SMIM29: variants seen among roughly 807,000 people sequenced by gnomAD.
SMIM29 encodes the protein uncharacterized protein C6orf1.
In SMIM29, 4 loss-of-function variants were observed where a neutral mutation model predicts 12.9. That is an observed-to-expected ratio of 0.31 (90% CI 0.15 to 0.71). The LOEUF (loss-of-function observed/expected upper bound fraction) is 0.71. Among genes scored for constraint, SMIM29 ranks in the 30% least tolerant of loss-of-function variants. The probability of loss-of-function intolerance (pLI) is 0.70; values close to 1 mark genes in which losing one functional copy is unlikely to be tolerated. For missense variants in SMIM29, 122 were observed against 138.1 expected (o/e 0.88, Z 0.58); for synonymous variants, 50 against 52.0 (o/e 0.96, Z 0.17).
intron 1 of SMIM29, chr6:34,248,422 T>A (rs753352451): frequency 1.0e-6 from 1 of 985,402 alleles, no homozygotes; most frequent in Non-Finnish European, 1.2e-6. Flanking sequence ...CTCTCCCCCA[T>A]CTGTCTCGTG....
In SMIM29 at chr6:34,246,770, C is replaced by T. The variant is rs541717583; in HGVS notation, c.*33G>A. 1 of 1,613,468 alleles carries T rather than the reference C, an allele frequency of 6.2e-7. No individual in the cohort carries two copies. Among genetic ancestry groups the T allele is most frequent in the Non-Finnish European group, 8.5e-7 (1 of 1,180,012 alleles). Reference sequence around the variant, plus strand: ...GCAGGGCCCCAGGCAGTCCAGGACCCCAGGCTCTGAAGGGTGGGGCAAGGG... The same window carrying T: ...GCAGGGCCCCAGGCAGTCCAGGACCTCAGGCTCTGAAGGGTGGGGCAAGGG... On this transcript the variant is annotated 3_prime_UTR_variant, in exon 5 of 5. Coordinates refer to ENST00000476320, the MANE Select transcript of SMIM29 (RefSeq NM_001008703.4).
chr6:34,247,183 TCCC>T (rs750510362), intron 3 of SMIM29, 34 bp from the exon 4 acceptor site: 1 of 1,607,902 alleles, frequency 6.2e-7, no homozygotes, highest in Non-Finnish European at 8.5e-7. Flanking sequence ...AGCTAGGAGG[TCCC>T]CCCAACCCTC....
intron 1 of SMIM29, chr6:34,248,520 G>T: frequency 2.0e-6 from 2 of 985,202 alleles, no homozygotes; most frequent in Non-Finnish European, 2.4e-6. Context: ...GCTCCGCCCA[G>T]GTCCCTCCCC....
At position 34,246,837 on chromosome 6, in the gene SMIM29, TGCTGGTAGCC is replaced by T; in HGVS notation, c.265_274del (p.Gly89ThrfsTer108). The stretch of plus-strand genomic sequence containing the variant: ...GACATCCAGCAGTGGCATCCGCTTG[TGCTGGTAGCC>T]ACTCTGCCAGCCATGTACCACCTGT... On this transcript the variant is annotated frameshift_variant, in exon 5 of 5. Transcript: ENST00000476320. LOFTEE classifies it high-confidence loss of function. 6.2e-7 allele frequency: 1 copy of T among 1,611,402 alleles called. No individual in the cohort carries two copies. The highest frequency in any genetic ancestry group is 8.5e-7 in the Non-Finnish European group (1 of 1,179,060).
intron 1 of SMIM29, chr6:34,248,375 G>C: frequency 1.0e-6 from 1 of 985,444 alleles, no homozygotes; most frequent in Non-Finnish European, 1.2e-6. Context: ...CTATGCCCTT[G>C]TCCCTGGTGT....
chr6:34,248,182 G>C, intron 1 of SMIM29: 4 of 985,430 alleles, frequency 4.1e-6, no homozygotes, highest in Non-Finnish European at 4.8e-6. Context: ...GCAGGTTTCA[G>C]GTGCCTGCCC....
chr6:34,246,612 A>G lies in SMIM29; in HGVS notation c.*191T>C, dbSNP rs749048012. On this transcript the variant is annotated 3_prime_UTR_variant, in exon 5 of 5. Transcript: ENST00000476320. Reference sequence around the variant, plus strand: ...TGGGCGGTGAGCTCAACACCCACAAAGGGCAGAAGGCCTGGGGGCAGTGAG... The same window carrying G: ...TGGGCGGTGAGCTCAACACCCACAAGGGGCAGAAGGCCTGGGGGCAGTGAG... The G allele has an allele frequency of 2.1e-5, 34 of 1,613,362 alleles. No homozygotes were observed. The South Asian group carries it at 3.2e-4, about 15-fold the overall frequency.
intron 3 of SMIM29, 21 bp downstream of exon 3, chr6:34,247,446 G>A (rs1220686094): frequency 6.4e-7 from 1 of 1,570,720 alleles, no homozygotes. Flanking sequence ...GTTAGGGCGG[G>A]TGGGGGACAG....
At chr6:34,246,917 GTC>G in intron 4 of SMIM29, 49 bp from the exon 5 acceptor site, 1 of 1,597,542 alleles carries the variant, frequency 6.3e-7, no homozygotes. Flanking sequence ...TTCCCTGGGA[GTC>G]TGCAGCACCC....
Position 34,246,698 on chromosome 6 carries a change from C to G in SMIM29, c.*105G>C, listed in dbSNP as rs749904125. The G allele has an allele frequency of 1.9e-6, 3 of 1,613,750 alleles. No homozygotes were observed. The highest frequency in any genetic ancestry group is 2.5e-6 in the Non-Finnish European group (3 of 1,179,872). ...GGGTGGGTGGAGGGAGAAATGGAGA[C>G]CCAGCACCCAGCAGGGGGAGCCAGG... On this transcript the variant is annotated 3_prime_UTR_variant, in exon 5 of 5. Coordinates refer to ENST00000476320, the MANE Select transcript of SMIM29 (RefSeq NM_001008703.4).
chr6:34,248,741 A>C, intron 1 of SMIM29: 12 of 985,506 alleles, frequency 1.2e-5, no homozygotes, highest in Non-Finnish European at 1.4e-5. Context: ...TCGTATGCTC[A>C]TCGTCCCAGG....
chr6:34,248,759 G>A (rs1315397081), intron 1 of SMIM29: 39 of 985,548 alleles, frequency 4.0e-5, no homozygotes, highest in Non-Finnish European at 4.6e-5. Context: ...AGGTCAAGGG[G>A]GCATGCCAGG....
Position 34,246,858 on chromosome 6 carries a change from C to T in SMIM29, c.254G>A (p.Gly85Asp), listed in dbSNP as rs367811394. ...CTTGTGCTGGTAGCCACTCTGCCAGCCATGTACCACCTGTCGGGGAGGAGA... is the reference window on the plus strand; with the variant it reads ...CTTGTGCTGGTAGCCACTCTGCCAGTCATGTACCACCTGTCGGGGAGGAGA... ...SDMGDPKVVH[G>D]WQSGYQHKRM... The change falls in exon 5 of 5, where the codon GGC becomes GAC. Residue 85 changes from glycine (G) to aspartate (D), a missense_variant. Coordinates refer to ENST00000476320, the MANE Select transcript of SMIM29 (RefSeq NM_001008703.4). 79 of 1,607,948 alleles carry T rather than the reference C, an allele frequency of 4.9e-5. No individual in the cohort carries two copies. The highest frequency in any genetic ancestry group is 6.3e-5 in the Non-Finnish European group (74 of 1,176,444).
rs528175150 is a variant in SMIM29, at chr6:34,247,698, C to A, written c.94G>T (p.Gly32Trp). 9.3e-6 allele frequency: 13 copies of A among 1,399,968 alleles called. No homozygotes were observed. In the South Asian group the frequency reaches 2.1e-4, roughly 22 times the overall value. The allele number at this position is 1,399,968 out of a possible 1,614,324, so 86.7% of individuals were successfully genotyped here. A position where few individuals can be genotyped will look rare whatever the true frequency, so the allele number is the denominator to read the frequency against. Reference sequence around the variant, plus strand: ...CTCCTTACCACAGCCACCACCACCCCGACCAGGGTGATGAGGAAGAAGGGC... The same window carrying A: ...CTCCTTACCACAGCCACCACCACCCAGACCAGGGTGATGAGGAAGAAGGGC... ...LGPFFLITLV[G>W]VVVAVVMYVQ... is the part of the protein sequence containing the mutation. Residue 32 changes from glycine (G) to tryptophan (W), a missense_variant, in exon 2 of 5, where the codon GGG becomes TGG. Physicochemically the swap from Gly to Trp is radical, Grantham distance 184. Coordinates refer to ENST00000476320, the MANE Select transcript of SMIM29 (RefSeq NM_001008703.4).
At chr6:34,247,427 G>A in intron 3 of SMIM29, 40 bp downstream of exon 3, 7 of 1,562,294 alleles carry the variant, frequency 4.5e-6, no homozygotes, top group South Asian at 2.4e-5. Flanking sequence ...ATTTCAGAAC[G>A]GGTGTGGGGT....
chr6:34,247,636 C>T, intron 2 of SMIM29, 45 bp downstream of exon 2: 1 of 1,439,252 alleles, frequency 6.9e-7, no homozygotes, highest in Admixed American at 2.9e-5. Context: ...CAGCCCCTGC[C>T]TTAGCAAAGC....
In SMIM29 at chr6:34,247,503, G is replaced by A. The variant is rs1561884414; in HGVS notation, c.112-11C>T. 6.4e-7 allele frequency: 1 copy of A among 1,573,420 alleles called. No individual in the cohort carries two copies. The highest frequency in any genetic ancestry group is 2.3e-5 in the East Asian group (1 of 43,350). On this transcript the variant is annotated splice_polypyrimidine_tract_variant and intron_variant, in intron 2 of 4. Coordinates refer to ENST00000476320, the MANE Select transcript of SMIM29 (RefSeq NM_001008703.4). ...CTGTACATACATTACCTGCAACAGA[G>A]ACACAGCACTGTGGGGGCTGCTGAG...
intron 1 of SMIM29, chr6:34,248,757 G>T: frequency 1.0e-6 from 1 of 985,646 alleles, no homozygotes; most frequent in Non-Finnish European, 1.2e-6. Flanking sequence ...CCAGGTCAAG[G>T]GGGCATGCCA....
chr6:34,248,504 C>A, intron 1 of SMIM29: 1 of 984,496 alleles, frequency 1.0e-6, no homozygotes, highest in Non-Finnish European at 1.2e-6. Context: ...CTTGTCTCCA[C>A]CCGGGGCTCC....
Sources: allele counts gnomAD v4.1 joint callset, GRCh38; gene constraint gnomAD v4.1.1; transcripts MANE v1.5; gene names NCBI Gene and HGNC (gene_info 2026-07-23, HGNC 2026-07-21).